SLC7A2: variants seen among roughly 807,000 people sequenced by gnomAD.
SLC7A2 encodes cationic amino acid transporter 2.
Under a neutral mutation model 58.9 loss-of-function variants are expected in SLC7A2, and 48 were observed. The ratio of observed to expected loss-of-function variants is 0.82; its 90% CI spans 0.65 to 1.04. The LOEUF (loss-of-function observed/expected upper bound fraction) is 1.04, where lower values mean the gene tolerates loss of function less well. Ranked by LOEUF, SLC7A2 falls within the 50% of genes least tolerant of loss-of-function variation. SLC7A2 has a pLI of 0.00. For synonymous variants in SLC7A2, 363 were observed against 314.5 expected (o/e 1.15, Z -1.63); for missense variants, 1,029 against 818.8 (o/e 1.26, Z -3.13).
chr8:17,501,303 T>A (rs1267665313), intron 1 of SLC7A2, among the ~76,000 whole-genome samples: 1 of 152,218 alleles, frequency 6.6e-6, no homozygotes, highest in African/African-American at 2.4e-5. Flanking sequence ...CCTGAGCCAC[T>A]GTGCTCGGCC....
rs374729310 is a variant in SLC7A2 at position 17,550,333 on chromosome 8, A to G, written c.731A>G (p.Tyr244Cys). 5.9e-5 allele frequency: 96 copies of G among 1,613,946 alleles called. No individual in the cohort carries two copies. Among genetic ancestry groups the G allele is most frequent in the Middle Eastern group, 3.3e-4 (2 of 6,082 alleles). ...EPPSENGTSI[Y>C]GAGGFMPYGF... ...CCTTCTGAAAACGGAACAAGTATCT[A>G]TGGGGCTGGTGGCTTTATGCCTTAT... is the stretch of plus-strand genomic sequence containing the variant. Residue 244 changes from tyrosine (Y) to cysteine (C), a missense_variant, in exon 6 of 13, where the codon TAT (tyrosine) becomes TGT (cysteine). Physicochemically the swap from Tyr to Cys is radical, Grantham distance 194. Coordinates refer to ENST00000494857, the MANE Select transcript of SLC7A2 (RefSeq NM_001370338.1).
In SLC7A2 at chr8:17,551,997, T is replaced by C; in HGVS notation, c.1055+11T>C. 6.2e-7 allele frequency: 1 copy of C among 1,612,402 alleles called. No individual in the cohort carries two copies. Among genetic ancestry groups the C allele is most frequent in the South Asian group, 1.1e-5 (1 of 91,012 alleles). ...CGCCTTGTCAACAAGGTACATTGCA[T>C]CGCCTTTGGGGCACGGGCTGTTTGG... On this transcript the variant is annotated intron_variant, in intron 7 of 12. Coordinates refer to ENST00000494857, the MANE Select transcript of SLC7A2 (RefSeq NM_001370338.1).
At chr8:17,509,525 C>T (rs186759596) in intron 2 of SLC7A2, among the ~76,000 whole-genome samples, 222 of 152,142 alleles carry the variant, frequency 1.5e-3, no homozygotes, top group African/African-American at 5.1e-3. Flanking sequence ...AGGCTGGTCC[C>T]GAACTCCTGA....
Position 17,499,356 on chromosome 8 carries a change from T to C in SLC7A2, c.-69+2119T>C, listed in dbSNP as rs574957439. ...CTCTCTCTCTGTCTCTCTCTCTCTC[T>C]CCCCCTCTCTCCCTCATTTCTCTCT... On this transcript the variant is annotated intron_variant, in intron 1 of 12. Coordinates refer to ENST00000494857, the MANE Select transcript of SLC7A2 (RefSeq NM_001370338.1). 2.6e-3 allele frequency: 381 copies of C among 147,288 alleles called. 4 individuals are homozygous for C. The highest frequency in any genetic ancestry group is 9.1e-3 in the African/African-American group (362 of 39,592). 9.1% of individuals were successfully genotyped at this position (147,288 alleles called of 1,614,324 possible). A position where few individuals can be genotyped will look rare whatever the true frequency, so the allele number is the denominator to read the frequency against.
Position 17,543,402 on chromosome 8 carries a change from C to T in SLC7A2, c.63C>T (p.Thr21=), listed in dbSNP as rs753833833. 9 of 1,614,148 alleles carry T rather than the reference C, an allele frequency of 5.6e-6. No homozygotes were observed. Among genetic ancestry groups the T allele is most frequent in the Non-Finnish European group, 7.6e-6 (9 of 1,180,024 alleles). Reference sequence around the variant, plus strand: ...GTCTGATCCGGAGAAAAATCGTGACCCTGGACAGTCTAGAAGACACCAAAT... The same window carrying T: ...GTCTGATCCGGAGAAAAATCGTGACTCTGGACAGTCTAGAAGACACCAAAT... The part of the protein sequence containing the change: ...ARCLIRRKIV[T]LDSLEDTKLC... The change falls in exon 3 of 13, where the codon ACC becomes ACT. Residue 21 remains threonine, a synonymous_variant. Coordinates refer to ENST00000494857, the MANE Select transcript of SLC7A2 (RefSeq NM_001370338.1).
At position 17,566,434 on chromosome 8, in the gene SLC7A2, T is replaced by C. The variant is rs1803267925; in HGVS notation, c.*1288T>C. 1.3e-5 allele frequency: 2 copies of C among 152,154 alleles called. No individual in the cohort carries two copies. The highest frequency in any genetic ancestry group is 2.9e-5 in the Non-Finnish European group (2 of 68,038). 9.4% of individuals were successfully genotyped at this position (152,154 alleles called of 1,614,324 possible). ...GCCTCTGATGTTTCCTTTGGAAACA[T>C]TTAGGAATATTTTTCTCCCCCTACC... On this transcript the variant is annotated 3_prime_UTR_variant, in exon 13 of 13. Transcript: ENST00000494857.
chr8:17,544,457 C>G lies in SLC7A2; in HGVS notation c.383C>G (p.Ser128Ter), dbSNP rs760384782. The change falls in exon 4 of 13, where the codon TCA becomes TGA. Residue 128 changes from serine to a stop codon, truncating the protein, a stop_gained. Coordinates refer to ENST00000494857, the MANE Select transcript of SLC7A2 (RefSeq NM_001370338.1). LOFTEE classifies it high-confidence loss of function. ...TCTGTTCTGTTTTGGGAAGGTACATCAAGTGTTGCAAGAGCCTGGAGTGGC... is the reference window on the plus strand; with the variant it reads ...TCTGTTCTGTTTTGGGAAGGTACATGAAGTGTTGCAAGAGCCTGGAGTGGC... ...NLILSYVIGT[S>*]SVARAWSGTF... 1 of 1,613,704 alleles carries G rather than the reference C, an allele frequency of 6.2e-7. No homozygotes were observed. The highest frequency in any genetic ancestry group is 1.3e-5 in the African/African-American group (1 of 74,918).
At chr8:17,525,824 T>G (rs1171757359) in intron 2 of SLC7A2, among the ~76,000 whole-genome samples, 25 of 152,180 alleles carry the variant, frequency 1.6e-4, no homozygotes, top group Admixed American at 1.6e-3. Flanking sequence ...TTAAACAAAC[T>G]TGGTCTTTGG....
upstream of SLC7A2, chr8:17,497,068 G>A (rs1434081243): frequency 2.0e-5 from 3 of 151,048 alleles, no homozygotes; most frequent in East Asian, 1.9e-4. Flanking sequence ...CTACACAGAG[G>A]GGCGCCCACG....
intron 4 of SLC7A2, among the ~76,000 whole-genome samples, chr8:17,545,180 C>T (rs1422069679): frequency 6.6e-6 from 1 of 152,066 alleles, no homozygotes; most frequent in East Asian, 1.9e-4. Flanking sequence ...ATTCTAATAA[C>T]CACATTTCAA....
In SLC7A2 at chr8:17,550,318, AC is replaced by A; in HGVS notation, c.717del (p.Asn239LysfsTer55). 1 of 1,613,944 alleles carries A rather than the reference AC, an allele frequency of 6.2e-7. No homozygotes were observed. Among genetic ancestry groups the A allele is most frequent in the Non-Finnish European group, 8.5e-7 (1 of 1,179,938 alleles). ...TTTCTTAGAGAGCCACCTTCTGAAA[AC>A]GGAACAAGTATCTATGGGGCTGGTG... ...SASAREPPSENGTSIYGAGGF... is the reference protein window; with the variant it reads ...SASAREPPSEXGTSIYGAGGF... On this transcript the variant is annotated frameshift_variant, in exon 6 of 13. Coordinates refer to ENST00000494857, the MANE Select transcript of SLC7A2 (RefSeq NM_001370338.1). LOFTEE classifies it high-confidence loss of function.
At chr8:17,510,850 C>A (rs1800574909) in intron 2 of SLC7A2, 1 of 152,182 alleles carries the variant, frequency 6.6e-6, no homozygotes, top group African/African-American at 2.4e-5. Context: ...TGGAACCAAC[C>A]CAATGCTCAT....
At chr8:17,516,179 TTACGA>T (rs1800795139) in intron 2 of SLC7A2, among the ~76,000 whole-genome samples, 1 of 152,064 alleles carries the variant, frequency 6.6e-6, no homozygotes, top group Admixed American at 6.6e-5. Context: ...CACTTACTCC[TTACGA>T]TAGTTCTATA....
At chr8:17,552,357 T>C (rs912343082) in intron 7 of SLC7A2, among the ~76,000 whole-genome samples, 2 of 152,230 alleles carry the variant, frequency 1.3e-5, no homozygotes, top group Non-Finnish European at 2.9e-5. Flanking sequence ...TTGGTGATAC[T>C]TGTAGTTCTT....
chr8:17,563,899 C>T (rs1193599805), intron 12 of SLC7A2, among the ~76,000 whole-genome samples, 188 bp downstream of exon 12: 1 of 152,164 alleles, frequency 6.6e-6, no homozygotes, highest in East Asian at 1.9e-4. Flanking sequence ...CCCACTAACC[C>T]TGTAGAACCA....
chr8:17,521,653 C>G (rs745955435), intron 2 of SLC7A2, among the ~76,000 whole-genome samples: 1 of 152,212 alleles, frequency 6.6e-6, no homozygotes, highest in Admixed American at 6.5e-5. Flanking sequence ...GCTGTGGCCT[C>G]TTTTCAGCTT....
chr8:17,557,718 C>G (rs945149019), intron 8 of SLC7A2, among the ~76,000 whole-genome samples: 1 of 152,114 alleles, frequency 6.6e-6, no homozygotes, highest in African/African-American at 2.4e-5. Flanking sequence ...GTCCCAGCTA[C>G]TCGGCAGGCT....
chr8:17,541,116 G>T (rs1221703060), intron 2 of SLC7A2, among the ~76,000 whole-genome samples: 3 of 152,088 alleles, frequency 2.0e-5, no homozygotes, highest in African/African-American at 7.2e-5. Context: ...AGTTGGCAGT[G>T]GTTCCTACTC....
Position 17,565,239 on chromosome 8 carries a change from T to G in SLC7A2, c.*93T>G. The G allele has an allele frequency of 1.0e-6, 1 of 971,780 alleles. No homozygotes were observed. The highest frequency in any genetic ancestry group is 1.7e-5 in the South Asian group (1 of 59,474). 60.2% of individuals were successfully genotyped at this position (971,780 alleles called of 1,614,324 possible). A position where few individuals can be genotyped will look rare whatever the true frequency, so the allele number is the denominator to read the frequency against. On this transcript the variant is annotated 3_prime_UTR_variant, in exon 13 of 13. Coordinates refer to ENST00000494857, the MANE Select transcript of SLC7A2 (RefSeq NM_001370338.1). The stretch of plus-strand genomic sequence containing the variant: ...ATGTCATCAGCATGCTGGGTTGTCA[T>G]GGGTTTGCTGCATACATAGTTCACC...
Sources: gnomAD v4.1 joint callset for allele counts (sites outside exome capture counted in the v4.1 genomes callset) on GRCh38, gnomAD v4.1.1 for gene constraint, MANE v1.5 for transcripts, NCBI Gene and HGNC (gene_info 2026-07-23, HGNC 2026-07-21) for gene names.